Variants in CDH12 observed in about 807,000 individuals in gnomAD.
CDH12 encodes the protein cadherin-12.
In CDH12, 41 loss-of-function variants were observed where a neutral mutation model predicts 74.1. The observed-to-expected ratio is 0.55, with a 90% CI of 0.43 to 0.72. The LOEUF is 0.72. Among genes scored for constraint, CDH12 ranks in the 30% least tolerant of loss-of-function variants. The pLI is 0.00. For synonymous variants in CDH12, 399 were observed against 355.0 expected, an observed-to-expected ratio of 1.12 and a Z score of -1.39; for missense variants, 945 against 977.2, an observed-to-expected ratio of 0.97 and a Z score of 0.44.
At chr5:21,884,621 A>G (rs1752533012) in intron 6 of CDH12, among the ~76,000 whole-genome samples, 1 of 152,178 alleles carries the variant, frequency 6.6e-6, no homozygotes, top group South Asian at 2.1e-4. Flanking sequence ...CATTTTTACT[A>G]CTATTCTGTT....
chr5:21,966,267 A>T (rs562376321), intron 6 of CDH12, among the ~76,000 whole-genome samples: 1 of 151,874 alleles, frequency 6.6e-6, no homozygotes, highest in South Asian at 2.1e-4. Context: ...TCCTCTCTCA[A>T]ACTCAATCCA....
intron 3 of CDH12, among the ~76,000 whole-genome samples, chr5:22,382,590 A>T (rs1741816808): frequency 6.6e-6 from 1 of 152,000 alleles, no homozygotes. Context: ...CTCCTCTACG[A>T]ATTACTTGCT....
rs189577582 is a variant in CDH12 at position 22,422,218 on chromosome 5, T to C, written c.-427-16867A>G. 4.6e-5 allele frequency among the ~76,000 whole-genome samples: 7 copies of C among 152,224 alleles called. 1 individual carries two copies. The East Asian group carries it at 9.7e-4, about 21-fold the overall frequency. On this transcript the variant is annotated intron_variant, in intron 2 of 14. Transcript: ENST00000382254. ...GTATGATATTACCTGTGGGTTTAAA[T>C]AGTAAGAGTCATAAATGACTCTTAC...
chr5:22,799,941 G>T (rs2036970), intron 1 of CDH12, among the ~76,000 whole-genome samples: 7,540 of 152,088 alleles, frequency 0.05, 314 homozygotes, highest in East Asian at 0.17. Flanking sequence ...TTTTCTGTTA[G>T]AAAATCTGAA....
intron 3 of CDH12, among the ~76,000 whole-genome samples, chr5:22,249,022 A>G (rs1753050553): frequency 6.6e-6 from 1 of 152,148 alleles, no homozygotes; most frequent in African/African-American, 2.4e-5. Context: ...AGTATAAAAT[A>G]AAAATTTGGG....
chr5:22,487,199 G>A (rs936382693), intron 2 of CDH12, among the ~76,000 whole-genome samples: 11 of 151,640 alleles, frequency 7.3e-5, no homozygotes, highest in African/African-American at 1.7e-4. Flanking sequence ...ATGGGGTTTC[G>A]TCATGTTGGC....
At chr5:22,759,540 A>G (rs1039401322) in intron 1 of CDH12, among the ~76,000 whole-genome samples, 1 of 152,138 alleles carries the variant, frequency 6.6e-6, no homozygotes, top group Non-Finnish European at 1.5e-5. Context: ...TCTCCTCTCT[A>G]GCCCCTCAAT....
intron 3 of CDH12, among the ~76,000 whole-genome samples, chr5:22,362,193 C>T (rs1740834853): frequency 6.6e-6 from 1 of 151,914 alleles, no homozygotes; most frequent in Admixed American, 6.6e-5. Flanking sequence ...TGACAAAGGG[C>T]TAATATCCAG....
In CDH12 at chr5:22,155,246, A is replaced by T. The variant is rs1747947780; in HGVS notation, c.-187+57252T>A. ...CTATGTAACATGACCAAATAATGAG[A>T]GTAAAATCTATTATAGTGACATTCC... On this transcript the variant is annotated intron_variant, in intron 4 of 14. Coordinates refer to ENST00000382254, the MANE Select transcript of CDH12 (RefSeq NM_004061.5). 1.3e-5 allele frequency among the ~76,000 whole-genome samples: 2 copies of T among 152,100 alleles called. 1 individual carries two copies. Among genetic ancestry groups the T allele is most frequent in the South Asian group, 4.1e-4 (2 of 4,834 alleles).
chr5:22,008,875 G>T (rs1296906724), intron 5 of CDH12, among the ~76,000 whole-genome samples: 2 of 152,128 alleles, frequency 1.3e-5, no homozygotes, highest in East Asian at 3.9e-4. Context: ...ATTCTGTCAG[G>T]AGTCCTCTCT....
chr5:21,959,076 T>C (rs1235850408), intron 6 of CDH12, among the ~76,000 whole-genome samples: 2 of 152,198 alleles, frequency 1.3e-5, no homozygotes, highest in African/African-American at 4.8e-5. Flanking sequence ...GGGATTGCCT[T>C]CCTGATTTGA....
intron 4 of CDH12, among the ~76,000 whole-genome samples, chr5:22,127,456 A>T (rs1334406613): frequency 6.6e-6 from 1 of 151,230 alleles, no homozygotes; most frequent in African/African-American, 2.4e-5. Context: ...CAGCCTGGAC[A>T]ACAAGAGTGG....
chr5:22,072,914 A>G (rs542970717), intron 5 of CDH12, among the ~76,000 whole-genome samples: 1 of 152,100 alleles, frequency 6.6e-6, no homozygotes, highest in Non-Finnish European at 1.5e-5. Flanking sequence ...TTGACATGTT[A>G]GCTTAAGCAT....
chr5:22,261,620 C>T (rs1359729705), intron 3 of CDH12, among the ~76,000 whole-genome samples: 1 of 151,962 alleles, frequency 6.6e-6, no homozygotes, highest in Non-Finnish European at 1.5e-5. Flanking sequence ...ATTAATGTAG[C>T]CACTACTCTA....
chr5:22,560,555 T>C (rs1028893529), intron 1 of CDH12, among the ~76,000 whole-genome samples: 3 of 151,918 alleles, frequency 2.0e-5, no homozygotes, highest in African/African-American at 4.8e-5. Context: ...AGCAAAAAGG[T>C]ATTGCAATTT....
chr5:22,495,671 T>G (rs1747078027), intron 2 of CDH12, among the ~76,000 whole-genome samples: 1 of 152,212 alleles, frequency 6.6e-6, no homozygotes, highest in Non-Finnish European at 1.5e-5. Context: ...ATTAAATCAA[T>G]GTGAAGTAAT....
chr5:21,797,887 A>G (rs1010334046), intron 10 of CDH12, among the ~76,000 whole-genome samples: 8 of 152,098 alleles, frequency 5.3e-5, no homozygotes, highest in Non-Finnish European at 1.0e-4. Context: ...TGGCCTCATC[A>G]TTCTTTTATG....
At position 21,928,147 on chromosome 5, in the gene CDH12, A is replaced by T. The variant is rs796537518; in HGVS notation, c.526+46944T>A. Among the ~76,000 whole-genome samples, 8 of 152,198 alleles carry T rather than the reference A, an allele frequency of 5.3e-5. No individual in the cohort carries two copies. The East Asian group carries it at 1.2e-3, about 22-fold the overall frequency. ...ACAATGATGAAAACATTTGACTATG[A>T]CTATGATCATCTGCCATCTTTATAG... On this transcript the variant is annotated intron_variant, in intron 6 of 14. Transcript: ENST00000382254.
chr5:22,720,479 A>G (rs955314065), intron 1 of CDH12, among the ~76,000 whole-genome samples: 1 of 152,136 alleles, frequency 6.6e-6, no homozygotes, highest in African/African-American at 2.4e-5. Context: ...AAAATGAACT[A>G]ATATCGGAAA....
Sources: allele counts gnomAD v4.1 joint callset (sites outside exome capture counted in the v4.1 genomes callset), GRCh38; gene constraint gnomAD v4.1.1; transcripts MANE v1.5; gene names NCBI Gene and HGNC (gene_info 2026-07-23, HGNC 2026-07-21).